WDR48: variants seen among roughly 807,000 people sequenced by gnomAD.
WDR48 encodes the protein WD repeat-containing protein 48.
WDR48 carries 22 observed loss-of-function variants against 94.0 expected under a neutral mutation model. The observed-to-expected ratio is 0.23, with a 90% CI of 0.17 to 0.33. The LOEUF (loss-of-function observed/expected upper bound fraction) is 0.33, where lower values mean the gene tolerates loss of function less well. Ranked by LOEUF, WDR48 falls within the 10% of genes least tolerant of loss-of-function variation. The pLI, the probability that WDR48 is intolerant of heterozygous loss-of-function variation, is 1.00. For missense variants in WDR48, 541 were observed against 813.8 expected (o/e 0.66, Z 4.08); for synonymous variants, 278 against 280.5 (o/e 0.99, Z 0.09).
chr3:39,063,923 C>T (rs2033435501), intron 2 of WDR48, among the ~76,000 whole-genome samples: 1 of 152,172 alleles, frequency 6.6e-6, no homozygotes, highest in Non-Finnish European at 1.5e-5. Flanking sequence ...TGCATTCCAG[C>T]TTGGGCAACA....
chr3:39,082,258 G>C (rs2034574367), intron 11 of WDR48, among the ~76,000 whole-genome samples: 1 of 151,828 alleles, frequency 6.6e-6, no homozygotes, highest in South Asian at 2.1e-4. Context: ...AAATATTTAG[G>C]CCTGTGAACA....
At chr3:39,079,602 AG>A in intron 10 of WDR48, 108 bp from the exon 11 acceptor site, 1 of 708,002 alleles carries the variant, frequency 1.4e-6, no homozygotes, top group Non-Finnish European at 2.3e-6. Flanking sequence ...CCTTTCTAGT[AG>A]CTAGTACAGT....
intron 7 of WDR48, 40 bp from the exon 8 acceptor site, chr3:39,074,686 C>G (rs774111205): frequency 3.1e-6 from 5 of 1,604,640 alleles, no homozygotes; most frequent in Non-Finnish European, 4.3e-6. Context: ...AAAGCAGGAA[C>G]TTTGTGGCAA....
At chr3:39,074,576 G>A (rs2034114506) in intron 7 of WDR48, 150 bp from the exon 8 acceptor site, 2 of 758,766 alleles carry the variant, frequency 2.6e-6, no homozygotes, top group East Asian at 2.7e-5. Flanking sequence ...TTAGCCTGTG[G>A]TGCATGGTTG....
intron 8 of WDR48, among the ~76,000 whole-genome samples, chr3:39,076,712 G>A (rs1434404758): frequency 1.3e-5 from 2 of 152,168 alleles, no homozygotes; most frequent in African/African-American, 2.4e-5. Flanking sequence ...GTCCTTAGGC[G>A]AGGGTTATTT....
intron 3 of WDR48, 31 bp downstream of exon 3, chr3:39,065,920 T>G (rs780810052): frequency 1.3e-6 from 2 of 1,519,712 alleles, no homozygotes; most frequent in South Asian, 2.6e-5. Context: ...TTATTGGGCT[T>G]CTGATATATT....
chr3:39,084,607 A>C, intron 12 of WDR48, 38 bp from the exon 13 acceptor site: 1 of 1,566,258 alleles, frequency 6.4e-7, no homozygotes, highest in Non-Finnish European at 8.8e-7. Context: ...TGGAGAATAT[A>C]TTCAAATGGG....
At chr3:39,076,882 C>G (rs1022851743) in intron 8 of WDR48, among the ~76,000 whole-genome samples, 2 of 152,174 alleles carry the variant, frequency 1.3e-5, no homozygotes, top group Non-Finnish European at 2.9e-5. Flanking sequence ...TCAAGTACCT[C>G]AAATTGACCA....
intron 16 of WDR48, 181 bp from the exon 17 acceptor site, chr3:39,091,444 T>C (rs1003852436): frequency 2.7e-5 from 13 of 489,204 alleles, no homozygotes; most frequent in Non-Finnish European, 4.7e-5. Context: ...TTACATATAT[T>C]TTTCTGATGA....
At chr3:39,069,540 T>G (rs2033808025) in intron 6 of WDR48, 103 bp from the exon 7 acceptor site, 1 of 1,034,302 alleles carries the variant, frequency 9.7e-7, no homozygotes, top group African/African-American at 1.7e-5. Flanking sequence ...TGGTATTGCC[T>G]TCTCAGAATA....
intron 17 of WDR48, among the ~76,000 whole-genome samples, 166 bp from the exon 18 acceptor site, chr3:39,093,708 T>C (rs2035203907): frequency 6.6e-6 from 1 of 152,246 alleles, no homozygotes; most frequent in African/African-American, 2.4e-5. Flanking sequence ...AGAAGGACAC[T>C]GTAGAAAATC....
intron 7 of WDR48, among the ~76,000 whole-genome samples, chr3:39,072,106 G>A (rs1199954850): frequency 1.3e-5 from 2 of 152,156 alleles, no homozygotes; most frequent in Non-Finnish European, 2.9e-5. Context: ...TATCTTATAG[G>A]CCAATGAATC....
chr3:39,088,454 A>C (rs1216204003), intron 15 of WDR48, among the ~76,000 whole-genome samples: 1 of 152,204 alleles, frequency 6.6e-6, no homozygotes, highest in Non-Finnish European at 1.5e-5. Context: ...AATGAGGTAG[A>C]ATACTTTGCC....
Position 39,094,658 on chromosome 3 carries a change from C to T in WDR48, c.1949C>T (p.Pro650Leu). 1 of 1,614,004 alleles carries T rather than the reference C, an allele frequency of 6.2e-7. No homozygotes were observed. Among genetic ancestry groups the T allele is most frequent in the Non-Finnish European group, 8.5e-7 (1 of 1,179,998 alleles). The change falls in exon 19 of 19, where the codon CCA becomes CTA. Residue 650 changes from proline to leucine, a missense_variant. Pro to Leu is a moderately conservative substitution (Grantham distance 98). Coordinates refer to ENST00000302313, the MANE Select transcript of WDR48 (RefSeq NM_020839.4). ...ELLCQDQVLD[P>L]NMDLRTVKHF... ...ATTTTGGCTATTCAGGTTTTGGATC[C>T]AAATATGGACCTTCGAACAGTGAAA...
intron 6 of WDR48, 120 bp downstream of exon 6, chr3:39,068,979 G>T (rs781198603): frequency 4.4e-5 from 32 of 730,828 alleles, no homozygotes; most frequent in Non-Finnish European, 4.2e-5. Context: ...TTAGAGACTG[G>T]GTCTCACTCT....
intron 1 of WDR48, among the ~76,000 whole-genome samples, chr3:39,053,569 A>G (rs942310943): frequency 6.6e-6 from 1 of 152,174 alleles, no homozygotes; most frequent in Admixed American, 6.5e-5. Flanking sequence ...TCAAAAAGTA[A>G]CCCGATTGTA....
chr3:39,092,394 TCCA>T (rs2035125326), intron 17 of WDR48, among the ~76,000 whole-genome samples: 1 of 152,124 alleles, frequency 6.6e-6, no homozygotes, highest in Admixed American at 6.6e-5. Context: ...AGATAGATAT[TCCA>T]AGTCCAGGAC....
chr3:39,067,893 T>C (rs893848556), intron 5 of WDR48, among the ~76,000 whole-genome samples: 1 of 152,140 alleles, frequency 6.6e-6, no homozygotes, highest in Non-Finnish European at 1.5e-5. Context: ...TCTGATTCAT[T>C]AGCTGGTCCC....
chr3:39,078,012 G>A (rs926041394), intron 9 of WDR48, 125 bp from the exon 10 acceptor site: 8 of 633,120 alleles, frequency 1.3e-5, no homozygotes, highest in African/African-American at 5.6e-5. Flanking sequence ...AATATTTTTC[G>A]GTTGATGTAG....
Sources: gnomAD v4.1 joint callset for allele counts (sites outside exome capture counted in the v4.1 genomes callset) on GRCh38, gnomAD v4.1.1 for gene constraint, MANE v1.5 for transcripts, NCBI Gene and HGNC (gene_info 2026-07-23, HGNC 2026-07-21) for gene names.